The following ERBIN variants were observed in gnomAD, a reference collection of about 807,000 sequenced individuals.
ERBIN encodes densin-180-like protein.
Under a neutral mutation model 158.4 loss-of-function variants are expected in ERBIN, and 60 were observed. That is an observed-to-expected ratio of 0.38 (90% CI 0.31 to 0.47). ERBIN has a LOEUF of 0.47. ERBIN is among the 20% of genes least tolerant of loss of function. ERBIN has a pLI of 0.99. For missense variants in ERBIN, 1,610 were observed against 1,648.0 expected, an observed-to-expected ratio of 0.98 and a Z score of 0.40; for synonymous variants, 594 against 557.2, an observed-to-expected ratio of 1.07 and a Z score of -0.93.
At chr5:65,962,116 A>G (rs1200191795) in intron 1 of ERBIN, among the ~76,000 whole-genome samples, 4 of 152,180 alleles carry the variant, frequency 2.6e-5, no homozygotes, top group Non-Finnish European at 5.9e-5. Context: ...GTTATTTGTA[A>G]ATGTATAATG....
At chr5:65,953,437 T>C (rs765608116) in intron 1 of ERBIN, among the ~76,000 whole-genome samples, 7 of 152,080 alleles carry the variant, frequency 4.6e-5, no homozygotes, top group Non-Finnish European at 7.4e-5. Context: ...ATGGGGAGGG[T>C]TGTATAGCTG....
At chr5:66,008,154 C>T (rs929513729) in intron 4 of ERBIN, among the ~76,000 whole-genome samples, 2 of 152,160 alleles carry the variant, frequency 1.3e-5, no homozygotes, top group African/African-American at 4.8e-5. Flanking sequence ...CACGGTGGCT[C>T]ACACCTGTAA....
intron 1 of ERBIN, among the ~76,000 whole-genome samples, chr5:65,972,522 T>A (rs991358980): frequency 6.6e-6 from 1 of 151,478 alleles, no homozygotes; most frequent in Admixed American, 6.6e-5. Context: ...ATTTAAAGAA[T>A]ATTTGTTACT....
At chr5:66,076,811 C>T in intron 24 of ERBIN, 64 bp from the exon 25 acceptor site, 2 of 1,201,848 alleles carry the variant, frequency 1.7e-6, no homozygotes, top group Admixed American at 2.0e-5. Context: ...GGAAAAATTG[C>T]TCCTTGGTAC....
At chr5:65,981,151 A>G (rs1750613984) in intron 1 of ERBIN, among the ~76,000 whole-genome samples, 1 of 152,230 alleles carries the variant, frequency 6.6e-6, no homozygotes, top group African/African-American at 2.4e-5. Flanking sequence ...AGATTACCAA[A>G]TATTTTGAAA....
intron 17 of ERBIN, 50 bp from the exon 18 acceptor site, chr5:66,046,303 T>G: frequency 9.1e-7 from 1 of 1,093,398 alleles, no homozygotes; most frequent in East Asian, 2.6e-5. Context: ...ACTTTTAAAA[T>G]AGATATAAAA....
At chr5:65,956,372 A>ATTTT (rs1200098319) in intron 1 of ERBIN, among the ~76,000 whole-genome samples, 1 of 121,606 alleles carries the variant, frequency 8.2e-6, no homozygotes, top group Non-Finnish European at 1.7e-5. Flanking sequence ...CTTTCAGGTG[A>ATTTT]TTTTTTTTTT....
chr5:66,072,209 A>G lies in ERBIN; in HGVS notation c.3674A>G (p.Asp1225Gly), dbSNP rs1314492787. ...QTSSSGDPCQ[D>G]GIFISGQQNY... The stretch of plus-strand genomic sequence containing the variant: ...TCCAGTTCAGGAGATCCTTGTCAAG[A>G]TGGTATATTCATTTCAGGACAGCAG... Residue 1225 changes from aspartate to glycine, a missense_variant, in exon 22 of 26, where the codon GAT (aspartate) becomes GGT (glycine). By Grantham distance (94) the Asp-to-Gly change is moderately conservative. This residue lies in a region of ERBIN where 1,014 missense variants were observed against 936.1 expected (regional missense o/e 1.08). Coordinates refer to ENST00000284037, the MANE Select transcript of ERBIN (RefSeq NM_001253697.2). 1.2e-5 allele frequency: 18 copies of G among 1,550,316 alleles called. No homozygotes were observed. Among genetic ancestry groups the G allele is most frequent in the Admixed American group, 5.9e-5 (3 of 50,974 alleles).
intron 20 of ERBIN, among the ~76,000 whole-genome samples, chr5:66,051,181 C>A (rs1044831843): frequency 3.9e-5 from 6 of 151,974 alleles, no homozygotes; most frequent in African/African-American, 1.5e-4. Flanking sequence ...AGACTAGATT[C>A]TCAATCTCTG....
At chr5:65,972,829 A>G (rs1749413369) in intron 1 of ERBIN, among the ~76,000 whole-genome samples, 1 of 151,388 alleles carries the variant, frequency 6.6e-6, no homozygotes, top group Admixed American at 6.6e-5. Context: ...AGGTGTTGAG[A>G]GTGATCTAGC....
intron 1 of ERBIN, among the ~76,000 whole-genome samples, chr5:65,928,864 A>G (rs921452344): frequency 6.6e-6 from 1 of 152,200 alleles, no homozygotes; most frequent in African/African-American, 2.4e-5. Flanking sequence ...TTAATAGAGG[A>G]GTCATCCGTT....
At chr5:65,999,008 T>A (rs1752745942) in intron 4 of ERBIN, among the ~76,000 whole-genome samples, 1 of 152,216 alleles carries the variant, frequency 6.6e-6, no homozygotes, top group Non-Finnish European at 1.5e-5. Flanking sequence ...TGTCTTACTT[T>A]TCTTTTTCAT....
intron 4 of ERBIN, among the ~76,000 whole-genome samples, chr5:66,010,403 T>C (rs1033549705): frequency 6.6e-6 from 1 of 152,206 alleles, no homozygotes; most frequent in Non-Finnish European, 1.5e-5. Flanking sequence ...AAGGTTAAGG[T>C]GGTGCTTGTC....
intron 1 of ERBIN, among the ~76,000 whole-genome samples, chr5:65,956,924 C>T (rs557445298): frequency 6.6e-6 from 1 of 152,282 alleles, no homozygotes; most frequent in Non-Finnish European, 1.5e-5. Flanking sequence ...GTTGGGATTA[C>T]AGGTGTGAGC....
intron 18 of ERBIN, among the ~76,000 whole-genome samples, chr5:66,048,207 A>C (rs1266843631): frequency 6.6e-6 from 1 of 151,916 alleles, no homozygotes; most frequent in African/African-American, 2.4e-5. Context: ...AGTCAGAGAC[A>C]ATATTATGAA....
intron 20 of ERBIN, 92 bp from the exon 21 acceptor site, chr5:66,053,314 C>T (rs755644467): frequency 8.7e-5 from 61 of 700,724 alleles, no homozygotes; most frequent in Non-Finnish European, 1.3e-4. Context: ...ACTTTTTTAA[C>T]TTGTCTACCT....
chr5:65,981,699 C>T (rs537543717), intron 1 of ERBIN, among the ~76,000 whole-genome samples: 4 of 152,072 alleles, frequency 2.6e-5, no homozygotes, highest in Non-Finnish European at 4.4e-5. Context: ...TTAAGAATCT[C>T]TCCACCACTT....
At position 66,054,752 on chromosome 5, in the gene ERBIN, C is replaced by T. The variant is rs931091563; in HGVS notation, c.3434C>T (p.Ala1145Val). Reference sequence around the variant, plus strand: ...CCAAATGCATCAAGACCTCAGAGTGCTCGACCCTCTATTAATGAAATACCA... The same window carrying T: ...CCAAATGCATCAAGACCTCAGAGTGTTCGACCCTCTATTAATGAAATACCA... ...DGPNASRPQS[A>V]RPSINEIPER... Residue 1145 changes from alanine to valine, a missense_variant, in exon 21 of 26, where the codon GCT (alanine) becomes GTT (valine). Physicochemically the swap from Ala to Val is moderately conservative, Grantham distance 64 (BLOSUM62 0). Transcript: ENST00000284037. The T allele has an allele frequency of 3.7e-6, 6 of 1,613,976 alleles. No individual in the cohort carries two copies. The Admixed American group carries it at 8.3e-5, about 22-fold the overall frequency.
rs1405658488 is a variant in ERBIN, at chr5:65,939,594, C to T, written c.-58+12788C>T. Among the ~76,000 whole-genome samples the T allele has an allele frequency of 6.6e-5, 10 of 151,958 alleles. No homozygotes were observed. In the East Asian group the frequency reaches 9.7e-4, roughly 15 times the overall value. ...TCTTTCCACGGTCTCCCACTGATGCCGAGCCGAAGCTGGACTGTACTGCTG... is the reference window on the plus strand; with the variant it reads ...TCTTTCCACGGTCTCCCACTGATGCTGAGCCGAAGCTGGACTGTACTGCTG... On this transcript the variant is annotated intron_variant, in intron 1 of 25. Transcript: ENST00000284037.
Sources: gnomAD v4.1 joint callset for allele counts (sites outside exome capture counted in the v4.1 genomes callset) on GRCh38, gnomAD v4.1.1 for gene constraint, gnomAD v4.1.1 regional missense constraint, MANE v1.5 for transcripts, NCBI Gene and HGNC (gene_info 2026-07-23, HGNC 2026-07-21) for gene names.